The following ANKRD13C variants were observed in gnomAD, a reference collection of about 807,000 sequenced individuals.
ANKRD13C encodes ankyrin repeat domain 13C, also known as ankyrin repeat domain-containing protein 13C.
A neutral mutation model predicts 65.5 loss-of-function variants in ANKRD13C; 16 were observed. That is an observed-to-expected ratio of 0.24 (90% CI 0.17 to 0.37). ANKRD13C has a LOEUF of 0.37. Among genes scored for constraint, ANKRD13C ranks in the 10% least tolerant of loss-of-function variants. The pLI is 1.00. For synonymous variants in ANKRD13C, 235 were observed against 238.7 expected (o/e 0.98, Z 0.14); for missense variants, 503 against 655.9 (o/e 0.77, Z 2.55).
chr1:70,315,695 G>T, intron 3 of ANKRD13C, 129 bp from the exon 4 acceptor site: 1 of 608,844 alleles, frequency 1.6e-6, no homozygotes, highest in Non-Finnish European at 2.7e-6. Context: ...GTGTGTATGT[G>T]TATGTGTGTA....
At chr1:70,301,485 C>T (rs183454746) in intron 6 of ANKRD13C, among the ~76,000 whole-genome samples, 237 of 152,324 alleles carry the variant, frequency 1.6e-3, no homozygotes, top group African/African-American at 5.2e-3. Context: ...TGATATACAC[C>T]CGTAACCTTA....
At chr1:70,319,234 A>G (rs188500419) in intron 3 of ANKRD13C, among the ~76,000 whole-genome samples, 1 of 152,188 alleles carries the variant, frequency 6.6e-6, no homozygotes, top group African/African-American at 2.4e-5. Flanking sequence ...GCTGATATCA[A>G]TGTGGTCCTT....
In ANKRD13C at chr1:70,300,747, T is replaced by C. The variant is rs746133598; in HGVS notation, c.921+17A>G. The C allele has an allele frequency of 1.3e-6, 2 of 1,569,584 alleles. No individual in the cohort carries two copies. Among genetic ancestry groups the C allele is most frequent in the Non-Finnish European group, 1.7e-6 (2 of 1,161,464 alleles). ...TTTTAATGATTTAAAGGAATATTGA[T>C]AAGACAACATGCTCACCTCATGATG... On this transcript the variant is annotated intron_variant, in intron 7 of 12. Coordinates refer to ENST00000370944, the MANE Select transcript of ANKRD13C (RefSeq NM_030816.5).
intron 7 of ANKRD13C, among the ~76,000 whole-genome samples, chr1:70,296,908 G>A (rs888282258): frequency 3.3e-5 from 5 of 152,086 alleles, no homozygotes; most frequent in African/African-American, 9.7e-5. Context: ...TCATGCTTCA[G>A]GTTTTATCCT....
intron 5 of ANKRD13C, among the ~76,000 whole-genome samples, chr1:70,308,722 G>C (rs1361226850): frequency 7.2e-6 from 1 of 138,450 alleles, no homozygotes; most frequent in Non-Finnish European, 1.5e-5. Context: ...CTGGGCGACA[G>C]AGCGAGACTC....
At chr1:70,307,566 C>G (rs2101409627) in intron 5 of ANKRD13C, among the ~76,000 whole-genome samples, 1 of 152,122 alleles carries the variant, frequency 6.6e-6, no homozygotes, top group South Asian at 2.1e-4. Context: ...AATTTTAGTG[C>G]AAAAATAAGA....
intron 1 of ANKRD13C, among the ~76,000 whole-genome samples, chr1:70,349,953 C>T (rs995666822): frequency 6.6e-5 from 10 of 152,032 alleles, no homozygotes; most frequent in Non-Finnish European, 1.5e-4. Flanking sequence ...CTGGCCAACA[C>T]GGTGAAACCC....
intron 9 of ANKRD13C, among the ~76,000 whole-genome samples, chr1:70,279,243 G>A (rs765257769): frequency 3.3e-5 from 5 of 151,946 alleles, no homozygotes; most frequent in Non-Finnish European, 5.9e-5. Flanking sequence ...GAGGGAAGCA[G>A]TAAATGGAGG....
chr1:70,300,750 GACA>G lies in ANKRD13C; in HGVS notation c.921+11_921+13del, dbSNP rs767577493. On this transcript the variant is annotated intron_variant, in intron 7 of 12. Coordinates refer to ENST00000370944, the MANE Select transcript of ANKRD13C (RefSeq NM_030816.5). ...TAATGATTTAAAGGAATATTGATAA[GACA>G]ACATGCTCACCTCATGATGTATTCG... 1 of 1,574,624 alleles carries G rather than the reference GACA, an allele frequency of 6.4e-7. No individual in the cohort carries two copies. Among genetic ancestry groups the G allele is most frequent in the Non-Finnish European group, 8.6e-7 (1 of 1,163,240 alleles).
At chr1:70,272,941 T>C (rs931390468) in intron 11 of ANKRD13C, among the ~76,000 whole-genome samples, 2 of 151,952 alleles carry the variant, frequency 1.3e-5, no homozygotes, top group African/African-American at 4.8e-5. Flanking sequence ...TGAGCCGAGA[T>C]TGTGCCACTG....
At chr1:70,340,420 G>C (rs1037565455) in intron 1 of ANKRD13C, among the ~76,000 whole-genome samples, 9 of 151,968 alleles carry the variant, frequency 5.9e-5, no homozygotes, top group African/African-American at 2.2e-4. Context: ...AATTTCAATC[G>C]TCTGAAATGT....
At chr1:70,277,545 A>C (rs1679196128) in intron 9 of ANKRD13C, among the ~76,000 whole-genome samples, 1 of 152,096 alleles carries the variant, frequency 6.6e-6, no homozygotes, top group African/African-American at 2.4e-5. Flanking sequence ...GTTAACCAGA[A>C]ATATAAAAGA....
At chr1:70,331,820 C>CAAAAAAAAAAAAAAAAAAAAAAAA (rs10526340) in intron 2 of ANKRD13C, among the ~76,000 whole-genome samples, 1 of 70,040 alleles carries the variant, frequency 1.4e-5, no homozygotes. Context: ...AGACTCGACT[C>CAAAAAAAAAAAAAAAAAAAAAAAA]AAAAAAAAAA....
At chr1:70,276,130 G>A (rs182209453) in intron 10 of ANKRD13C, among the ~76,000 whole-genome samples, 88 of 151,946 alleles carry the variant, frequency 5.8e-4, no homozygotes, top group African/African-American at 2.0e-3. Flanking sequence ...GGAAATAATG[G>A]TTGGCCAGGA....
chr1:70,300,506 T>C (rs963313186), intron 7 of ANKRD13C, among the ~76,000 whole-genome samples: 1 of 151,996 alleles, frequency 6.6e-6, no homozygotes, highest in African/African-American at 2.4e-5. Flanking sequence ...AAGAATTGCT[T>C]GAACCTGGGA....
intron 6 of ANKRD13C, among the ~76,000 whole-genome samples, chr1:70,303,834 CTT>C (rs1373327573): frequency 6.6e-6 from 1 of 151,998 alleles, no homozygotes; most frequent in Non-Finnish European, 1.5e-5. Flanking sequence ...GGCAAAAAAC[CTT>C]TTGTCATACA....
intron 5 of ANKRD13C, among the ~76,000 whole-genome samples, chr1:70,307,792 T>C (rs1259939726): frequency 2.0e-5 from 3 of 151,728 alleles, no homozygotes; most frequent in Non-Finnish European, 4.4e-5. Flanking sequence ...AAAATAAAAA[T>C]AGAAAAATTA....
At chr1:70,266,624 GAT>G in intron 12 of ANKRD13C, among the ~76,000 whole-genome samples, 1 of 152,198 alleles carries the variant, frequency 6.6e-6, no homozygotes, top group South Asian at 2.1e-4. Context: ...CACAAATTTT[GAT>G]ATGTTGCAAT....
intron 2 of ANKRD13C, among the ~76,000 whole-genome samples, chr1:70,334,110 G>A (rs1437961588): frequency 6.6e-6 from 1 of 152,136 alleles, no homozygotes; most frequent in Non-Finnish European, 1.5e-5. Flanking sequence ...GATTGCTTGA[G>A]GCCAGGAGTT....
Sources: allele counts gnomAD v4.1 joint callset (sites outside exome capture counted in the v4.1 genomes callset), GRCh38; gene constraint gnomAD v4.1.1; transcripts MANE v1.5; gene names NCBI Gene and HGNC (gene_info 2026-07-23, HGNC 2026-07-21).